The following AKAP6 variants were observed in gnomAD, a reference collection of about 807,000 sequenced individuals.
AKAP6 encodes A-kinase anchoring protein 6, also known as A-kinase anchor protein 6.
AKAP6 carries 58 observed loss-of-function variants against 188.5 expected under a neutral mutation model. The observed-to-expected ratio is 0.31, with a 90% CI of 0.25 to 0.38. AKAP6 has a LOEUF of 0.38. Among genes scored for constraint, AKAP6 ranks in the 10% least tolerant of loss-of-function variants. AKAP6 has a pLI of 1.00. For missense variants in AKAP6, 2,710 were observed against 2,740.0 expected (o/e 0.99, Z 0.24); for synonymous variants, 989 against 998.6 (o/e 0.99, Z 0.18).
chr14:32,629,201 T>A (rs1020258006), intron 7 of AKAP6, among the ~76,000 whole-genome samples: 1 of 152,094 alleles, frequency 6.6e-6, no homozygotes. Context: ...TTTATGAAGA[T>A]TCGCTGTTAA....
chr14:32,825,741 C>A (rs902648740), intron 13 of AKAP6, among the ~76,000 whole-genome samples: 1 of 151,944 alleles, frequency 6.6e-6, no homozygotes, highest in East Asian at 1.9e-4. Context: ...CATATTTCAC[C>A]CAAGTATGAG....
At chr14:32,653,893 AT>A (rs1309947926) in intron 7 of AKAP6, among the ~76,000 whole-genome samples, 1 of 152,150 alleles carries the variant, frequency 6.6e-6, no homozygotes, top group African/African-American at 2.4e-5. Context: ...ATCATTTCAC[AT>A]TCATGTAAGT....
intron 12 of AKAP6, among the ~76,000 whole-genome samples, chr14:32,817,497 G>C (rs201220530): frequency 2.4e-3 from 361 of 147,428 alleles, no homozygotes; most frequent in Non-Finnish European, 3.8e-3. Flanking sequence ...GTGTTTGTGT[G>C]TGTGTGTGTG....
chr14:32,338,646 T>G (rs1394555023), intron 1 of AKAP6, among the ~76,000 whole-genome samples: 1 of 152,156 alleles, frequency 6.6e-6, no homozygotes, highest in African/African-American at 2.4e-5. Context: ...AAACAGAGCC[T>G]GGCAGGGTGG....
At chr14:32,790,614 A>G (rs1448156354) in intron 12 of AKAP6, among the ~76,000 whole-genome samples, 1 of 152,108 alleles carries the variant, frequency 6.6e-6, no homozygotes, top group Non-Finnish European at 1.5e-5. Flanking sequence ...TAATTTATTT[A>G]TTATACTTTA....
intron 5 of AKAP6, among the ~76,000 whole-genome samples, chr14:32,582,972 G>A (rs1353055034): frequency 1.3e-5 from 2 of 152,150 alleles, no homozygotes; most frequent in Non-Finnish European, 2.9e-5. Flanking sequence ...ATCATCTGAA[G>A]CCTTCTTCTC....
At position 32,447,542 on chromosome 14, in the gene AKAP6, A is replaced by C. The variant is rs1265564120; in HGVS notation, c.324+13725A>C. Among the ~76,000 whole-genome samples, 3 of 152,260 alleles carry C rather than the reference A, an allele frequency of 2.0e-5. 1 individual carries two copies. The highest frequency in any genetic ancestry group is 4.4e-5 in the Non-Finnish European group (3 of 68,036). The stretch of plus-strand genomic sequence containing the variant: ...AATTTTCCTGGAATTAACCCAGAGC[A>C]AAATTTGACATTTTTAAACAATAAG... On this transcript the variant is annotated intron_variant, in intron 2 of 13. Transcript: ENST00000280979.
intron 9 of AKAP6, among the ~76,000 whole-genome samples, chr14:32,712,557 A>G (rs2139756997): frequency 6.6e-6 from 1 of 152,220 alleles, no homozygotes; most frequent in African/African-American, 2.4e-5. Context: ...TTTATCAACT[A>G]AGCTTATGTA....
intron 1 of AKAP6, among the ~76,000 whole-genome samples, chr14:32,347,095 T>TA (rs555881863): frequency 1.3e-5 from 2 of 152,132 alleles, no homozygotes; most frequent in Non-Finnish European, 2.9e-5. Context: ...ATATATTAAG[T>TA]AAAAAATAAA....
intron 1 of AKAP6, among the ~76,000 whole-genome samples, chr14:32,431,437 A>T (rs1190725699): frequency 2.0e-5 from 3 of 152,200 alleles, no homozygotes; most frequent in African/African-American, 7.2e-5. Flanking sequence ...AAAGTGATAA[A>T]CCTACTTTAT....
At chr14:32,641,344 A>G (rs1887745694) in intron 7 of AKAP6, among the ~76,000 whole-genome samples, 1 of 151,620 alleles carries the variant, frequency 6.6e-6, no homozygotes, top group African/African-American at 2.4e-5. Flanking sequence ...AGCCAAAGAA[A>G]AAGAAAATTT....
chr14:32,702,531 C>T (rs1242963926), intron 9 of AKAP6, among the ~76,000 whole-genome samples: 1 of 150,454 alleles, frequency 6.6e-6, no homozygotes, highest in African/African-American at 2.4e-5. Context: ...GCCTGTAATT[C>T]CTATTTGAAT....
intron 7 of AKAP6, among the ~76,000 whole-genome samples, chr14:32,647,649 T>TA (rs1464462080): frequency 4.6e-5 from 7 of 151,916 alleles, no homozygotes; most frequent in Non-Finnish European, 8.8e-5. Context: ...TCTAAGTCTT[T>TA]AAAAAAAATC....
chr14:32,516,647 AT>A (rs1369604706), intron 2 of AKAP6, among the ~76,000 whole-genome samples: 1 of 152,194 alleles, frequency 6.6e-6, no homozygotes, highest in Non-Finnish European at 1.5e-5. Context: ...ATTACCACAA[AT>A]TTTTGGGGTG....
At position 32,831,683 on chromosome 14, in the gene AKAP6, C is replaced by G. The variant is rs949514706; in HGVS notation, c.*1878C>G. 6.6e-6 allele frequency: 1 copy of G among 152,128 alleles called. No homozygotes were observed. The highest frequency in any genetic ancestry group is 2.4e-5 in the African/African-American group (1 of 41,394). 9.4% of individuals were successfully genotyped at this position (152,128 alleles called of 1,614,324 possible). ...AAGTATTTGTTGCAGAGCTGAGGAA[C>G]AGAGCAAATGTAGTGATAGAAGCGC... On this transcript the variant is annotated 3_prime_UTR_variant, in exon 14 of 14. Coordinates refer to ENST00000280979, the MANE Select transcript of AKAP6 (RefSeq NM_004274.5).
chr14:32,533,370 A>G (rs1365771139), intron 2 of AKAP6, among the ~76,000 whole-genome samples: 1 of 152,176 alleles, frequency 6.6e-6, no homozygotes, highest in Admixed American at 6.5e-5. Flanking sequence ...CAAAGTGGCT[A>G]AAAGGCATTG....
chr14:32,571,206 G>C (rs1884469828), intron 4 of AKAP6, among the ~76,000 whole-genome samples: 1 of 149,502 alleles, frequency 6.7e-6, no homozygotes, highest in South Asian at 2.1e-4. Flanking sequence ...TTCAACAGCA[G>C]AAGCTGACTT....
rs1245597159 is a variant in AKAP6, at chr14:32,545,087, C to A, written c.577-143C>A. The A allele has an allele frequency of 1.8e-5, 13 of 713,350 alleles. No homozygotes were observed. In the South Asian group the frequency reaches 2.3e-4, roughly 13 times the overall value. 44.2% of individuals were successfully genotyped at this position (713,350 alleles called of 1,614,324 possible). Reference sequence around the variant, plus strand: ...AAGCAATGTGGTAATTGATTAATATCCCTTTGTGTATGTCAAACCACAAGC... The same window carrying A: ...AAGCAATGTGGTAATTGATTAATATACCTTTGTGTATGTCAAACCACAAGC... On this transcript the variant is annotated intron_variant, in intron 3 of 13. Coordinates refer to ENST00000280979, the MANE Select transcript of AKAP6 (RefSeq NM_004274.5).
chr14:32,575,424 A>G (rs1884671085), intron 4 of AKAP6, among the ~76,000 whole-genome samples: 1 of 152,146 alleles, frequency 6.6e-6, no homozygotes, highest in Non-Finnish European at 1.5e-5. Context: ...CTCACCTGGA[A>G]GAAAATCTTC....
Sources: gnomAD v4.1 joint callset for allele counts (sites outside exome capture counted in the v4.1 genomes callset) on GRCh38, gnomAD v4.1.1 for gene constraint, MANE v1.5 for transcripts, NCBI Gene and HGNC (gene_info 2026-07-23, HGNC 2026-07-21) for gene names.